FARP1: variants seen among roughly 807,000 people sequenced by gnomAD.
FARP1 encodes FERM, ARHGEF and pleckstrin domain-containing protein 1.
In FARP1, 52 loss-of-function variants were observed where a neutral mutation model predicts 128.8. That is an observed-to-expected ratio of 0.40 (90% confidence interval 0.32 to 0.51). FARP1 has a LOEUF of 0.51. FARP1 is among the 20% of genes least tolerant of loss of function. The probability of loss-of-function intolerance (pLI) is 0.45; values close to 1 mark genes in which losing one functional copy is unlikely to be tolerated. For synonymous variants in FARP1, 580 were observed against 551.8 expected (o/e 1.05, Z -0.72); for missense variants, 1,333 against 1,367.9 (o/e 0.97, Z 0.40).
chr13:98,229,710 T>C (rs1240215250), intron 2 of FARP1, among the ~76,000 whole-genome samples: 1 of 150,876 alleles, frequency 6.6e-6, no homozygotes, highest in Non-Finnish European at 1.5e-5. Flanking sequence ...TTAATAAAGA[T>C]GGCATCTTGC....
rs537433142 is a variant in FARP1 at position 98,415,445 on chromosome 13, A to G, written c.1826+3411A>G. On this transcript the variant is annotated intron_variant, in intron 16 of 26. Coordinates refer to ENST00000319562, the MANE Select transcript of FARP1 (RefSeq NM_005766.4). ...CATGAAGGAATATATTAATGAATGA[A>G]TGAGTGAATGAATGAATGAATGAGT... Among the ~76,000 whole-genome samples the G allele has an allele frequency of 3.6e-5, 4 of 112,090 alleles. No individual in the cohort carries two copies. The East Asian group carries it at 1.6e-3, about 44-fold the overall frequency. 73.5% of individuals were successfully genotyped at this position (112,090 alleles called of 152,430 possible).
At chr13:98,272,816 GC>G (rs2139588150) in intron 2 of FARP1, among the ~76,000 whole-genome samples, 1 of 152,306 alleles carries the variant, frequency 6.6e-6, no homozygotes, top group South Asian at 2.1e-4. Context: ...TCAGAGTGGG[GC>G]CATGGGGCAG....
At chr13:98,417,887 A>G (rs1891448242) in intron 16 of FARP1, among the ~76,000 whole-genome samples, 1 of 152,248 alleles carries the variant, frequency 6.6e-6, no homozygotes, top group South Asian at 2.1e-4. Context: ...TCATTCTACT[A>G]GCTCTCTGAA....
intron 16 of FARP1, among the ~76,000 whole-genome samples, chr13:98,413,857 C>T (rs542423109): frequency 3.3e-5 from 5 of 152,068 alleles, no homozygotes; most frequent in Non-Finnish European, 7.4e-5. Context: ...GTGTTAGTAC[C>T]GTCTTAGGCA....
intron 1 of FARP1, among the ~76,000 whole-genome samples, chr13:98,210,685 G>A (rs1880644940): frequency 6.6e-6 from 1 of 152,056 alleles, no homozygotes; most frequent in African/African-American, 2.4e-5. Context: ...GAGTAGCTGG[G>A]ACTACAGGCG....
At chr13:98,285,148 G>C (rs971540329) in intron 2 of FARP1, among the ~76,000 whole-genome samples, 4 of 152,178 alleles carry the variant, frequency 2.6e-5, no homozygotes, top group Non-Finnish European at 5.9e-5. Context: ...AGGCAGTCTA[G>C]ATTGTAACAA....
At chr13:98,211,036 T>C (rs753402037) in intron 1 of FARP1, among the ~76,000 whole-genome samples, 20 of 152,114 alleles carry the variant, frequency 1.3e-4, no homozygotes, top group Non-Finnish European at 2.4e-4. Flanking sequence ...CCCAACCCTC[T>C]TTCTTTAGTT....
chr13:98,316,518 C>T (rs1014461741), intron 2 of FARP1, among the ~76,000 whole-genome samples: 19 of 152,140 alleles, frequency 1.2e-4, no homozygotes, highest in Admixed American at 5.9e-4. Context: ...GACCCGGAGC[C>T]CCCTCCCCAT....
intron 1 of FARP1, among the ~76,000 whole-genome samples, chr13:98,168,355 CTTTGCTTCA>C (rs2139154759): frequency 6.6e-6 from 1 of 152,168 alleles, no homozygotes; most frequent in South Asian, 2.1e-4. Context: ...CTTGCTTTTC[CTTTGCTTCA>C]TTTTCCACAT....
At chr13:98,202,307 C>T (rs931851436) in intron 1 of FARP1, among the ~76,000 whole-genome samples, 2 of 152,180 alleles carry the variant, frequency 1.3e-5, no homozygotes, top group Non-Finnish European at 2.9e-5. Context: ...TCTTTGCTCT[C>T]CTGGGTGTCT....
intron 1 of FARP1, among the ~76,000 whole-genome samples, chr13:98,211,147 T>G (rs1288628003): frequency 6.6e-6 from 1 of 152,164 alleles, no homozygotes; most frequent in Non-Finnish European, 1.5e-5. Flanking sequence ...AAAGACCATA[T>G]TTTTCAGCCA....
At chr13:98,199,056 C>T (rs927576193) in intron 1 of FARP1, among the ~76,000 whole-genome samples, 3 of 148,030 alleles carry the variant, frequency 2.0e-5, no homozygotes, top group Non-Finnish European at 4.4e-5. Flanking sequence ...CTGCCTCTCA[C>T]CTGCGTATTT....
chr13:98,281,746 A>G (rs911988222), intron 2 of FARP1, among the ~76,000 whole-genome samples: 1 of 152,220 alleles, frequency 6.6e-6, no homozygotes, highest in Non-Finnish European at 1.5e-5. Context: ...CTCAGCTGTT[A>G]TGAACTGCGA....
intron 2 of FARP1, among the ~76,000 whole-genome samples, chr13:98,300,515 A>G (rs2139697016): frequency 6.6e-6 from 1 of 152,316 alleles, no homozygotes; most frequent in Non-Finnish European, 1.5e-5. Context: ...GTTACATTAT[A>G]TAACAGCAGT....
chr13:98,321,116 C>T (rs180885655), intron 2 of FARP1, among the ~76,000 whole-genome samples: 3 of 152,312 alleles, frequency 2.0e-5, no homozygotes, highest in East Asian at 3.9e-4. Flanking sequence ...GGCTGTTGGT[C>T]TTATTCAGCC....
At position 98,388,381 on chromosome 13, in the gene FARP1, AG is replaced by A. The variant is rs1315740308; in HGVS notation, c.761del. ...GCTCACTGCTACTGTCTTTCTTTTTAGGGTTTCACTAAGATCAATGCCTTCA... is the reference window on the plus strand; with the variant it reads ...GCTCACTGCTACTGTCTTTCTTTTTAGGTTTCACTAAGATCAATGCCTTCA... On this transcript the variant is annotated splice_acceptor_variant, in intron 8 of 26. Transcript: ENST00000319562. LOFTEE classifies it high-confidence loss of function. The A allele has an allele frequency of 6.2e-7, 1 of 1,611,624 alleles. No individual in the cohort carries two copies. Among genetic ancestry groups the A allele is most frequent in the Non-Finnish European group, 8.5e-7 (1 of 1,177,850 alleles).
intron 2 of FARP1, among the ~76,000 whole-genome samples, chr13:98,216,726 C>A (rs1881082218): frequency 6.6e-6 from 1 of 152,138 alleles, no homozygotes; most frequent in Non-Finnish European, 1.5e-5. Flanking sequence ...AGAGATCTAC[C>A]TTTTGGGAGG....
At chr13:98,446,972 G>A (rs113030683) in intron 26 of FARP1, 155 bp downstream of exon 26, 10 of 732,690 alleles carry the variant, frequency 1.4e-5, no homozygotes, top group Admixed American at 2.6e-5. Context: ...ACCAGCAGGC[G>A]ATTCTGTTCT....
At chr13:98,173,077 C>T (rs1877764632) in intron 1 of FARP1, among the ~76,000 whole-genome samples, 1 of 152,156 alleles carries the variant, frequency 6.6e-6, no homozygotes, top group South Asian at 2.1e-4. Context: ...TGTTTTTTAG[C>T]TCCAGCACTG....
Sources: allele counts gnomAD v4.1 joint callset (sites outside exome capture counted in the v4.1 genomes callset), GRCh38; gene constraint gnomAD v4.1.1; transcripts MANE v1.5; gene names NCBI Gene and HGNC (gene_info 2026-07-23, HGNC 2026-07-21).